The following MMP26 variants were observed in gnomAD, a reference collection of about 807,000 sequenced individuals.
MMP26 encodes the protein matrix metalloproteinase-26.
In MMP26, 33 loss-of-function variants were observed where a neutral mutation model predicts 31.0. The ratio of observed to expected loss-of-function variants is 1.06; its 90% CI spans 0.81 to 1.42. MMP26 has a LOEUF of 1.42. Ranked by LOEUF, MMP26 falls within the 40% of genes most tolerant of loss-of-function variation. The pLI is 0.00. For missense variants in MMP26, 347 were observed against 316.1 expected, an observed-to-expected ratio of 1.10 and a Z score of -0.74; for synonymous variants, 122 against 114.9, an observed-to-expected ratio of 1.06 and a Z score of -0.40.
intron 2 of MMP26, among the ~76,000 whole-genome samples, chr11:4,939,243 T>C (rs891879002): frequency 1.3e-5 from 2 of 152,156 alleles, no homozygotes; most frequent in African/African-American, 2.4e-5. Flanking sequence ...TGGAAATTAG[T>C]TGTAGCTCCA....
At chr11:4,764,510 G>A (rs1447555193) in intron 1 of MMP26, among the ~76,000 whole-genome samples, 1 of 152,174 alleles carries the variant, frequency 6.6e-6, no homozygotes, top group Admixed American at 6.5e-5. Flanking sequence ...GGGCTAAAGA[G>A]ATACTCTCTT....
At chr11:4,751,327 C>T (rs575131477) in intron 1 of MMP26, among the ~76,000 whole-genome samples, 1 of 152,124 alleles carries the variant, frequency 6.6e-6, no homozygotes, top group Non-Finnish European at 1.5e-5. Context: ...GGTGTGCACA[C>T]ATATAAAGGC....
intron 2 of MMP26, chr11:4,924,311 T>C: frequency 6.2e-7 from 1 of 1,611,454 alleles, no homozygotes; most frequent in South Asian, 1.1e-5. Context: ...AGTGGCTCTT[T>C]GGAGGCTGCT....
intron 2 of MMP26, among the ~76,000 whole-genome samples, chr11:4,951,610 A>G (rs1178829506): frequency 8.1e-6 from 1 of 123,986 alleles, no homozygotes; most frequent in Non-Finnish European, 1.8e-5. Flanking sequence ...GTCTGATACC[A>G]TTTCTCCAAA....
intron 2 of MMP26, among the ~76,000 whole-genome samples, chr11:4,839,860 A>G (rs963829187): frequency 5.9e-5 from 9 of 151,814 alleles, no homozygotes; most frequent in Middle Eastern, 3.4e-3. Flanking sequence ...ACAGGGGTGT[A>G]GAGCAGGTTC....
chr11:4,918,725 G>A (rs1263807118), intron 2 of MMP26, among the ~76,000 whole-genome samples: 1 of 152,130 alleles, frequency 6.6e-6, no homozygotes, highest in African/African-American at 2.4e-5. Flanking sequence ...CCCTCAAGTT[G>A]TTTTGCTTTA....
intron 2 of MMP26, chr11:4,973,218 G>A (rs1846689066): frequency 6.1e-6 from 1 of 163,486 alleles, no homozygotes. Flanking sequence ...ACTGCTTTCA[G>A]TATCAACATG....
intron 2 of MMP26, among the ~76,000 whole-genome samples, chr11:4,846,358 T>C (rs977366161): frequency 2.6e-5 from 4 of 152,052 alleles, no homozygotes; most frequent in African/African-American, 4.8e-5. Context: ...ATGAAAACAA[T>C]TGTACTCATG....
chr11:4,771,106 G>C (rs78170319), intron 2 of MMP26, among the ~76,000 whole-genome samples: 6,529 of 152,188 alleles, frequency 0.043, 488 homozygotes, highest in African/African-American at 0.15. Context: ...TAAAGAAGGG[G>C]TATCAGGTAG....
At chr11:4,934,632 G>A (rs372301034) in intron 2 of MMP26, among the ~76,000 whole-genome samples, 26 of 141,440 alleles carry the variant, frequency 1.8e-4, no homozygotes, top group African/African-American at 3.1e-4. Context: ...TTGGTGTTTT[G>A]GACATGAAGT....
In MMP26 at chr11:4,990,751, G is replaced by A; in HGVS notation, c.469+5G>A. On this transcript the variant is annotated splice_donor_5th_base_variant and intron_variant, in intron 5 of 7. Transcript: ENST00000380390. ...AGGTTTCTTTCTGGCAGTGGGGTAAGAAATTGACATGGGAAGAAGGATATG... is the reference window on the plus strand; with the variant it reads ...AGGTTTCTTTCTGGCAGTGGGGTAAAAAATTGACATGGGAAGAAGGATATG... The A allele has an allele frequency of 6.2e-7, 1 of 1,613,958 alleles. No individual in the cohort carries two copies. Among genetic ancestry groups the A allele is most frequent in the Non-Finnish European group, 8.5e-7 (1 of 1,179,890 alleles).
intron 2 of MMP26, among the ~76,000 whole-genome samples, chr11:4,949,920 T>C (rs993054573): frequency 1.6e-5 from 2 of 123,296 alleles, no homozygotes; most frequent in African/African-American, 2.7e-5. Context: ...AATATGCCAT[T>C]TGAACTAATG....
At chr11:4,804,420 T>C in intron 2 of MMP26, 1 of 1,428,074 alleles carries the variant, frequency 7.0e-7, no homozygotes, top group Non-Finnish European at 9.9e-7. Flanking sequence ...CGCAATCTAC[T>C]CTCTGCAGAT....
At chr11:4,973,574 A>G (rs985824424) in intron 2 of MMP26, 2 of 153,514 alleles carry the variant, frequency 1.3e-5, no homozygotes, top group African/African-American at 2.4e-5. Context: ...ATGGATGAAA[A>G]ACTCTTGAGC....
intron 1 of MMP26, among the ~76,000 whole-genome samples, chr11:4,721,017 G>A (rs1475697458): frequency 6.6e-6 from 1 of 152,202 alleles, no homozygotes; most frequent in Admixed American, 6.5e-5. Context: ...GGGACAACAA[G>A]CAAACATGAT....
intron 2 of MMP26, among the ~76,000 whole-genome samples, chr11:4,775,287 T>C (rs944895979): frequency 1.3e-5 from 2 of 152,218 alleles, no homozygotes; most frequent in African/African-American, 4.8e-5. Flanking sequence ...TTTGTTTGTG[T>C]CCTCTCTGGT....
chr11:4,969,956 T>A (rs748078895), intron 2 of MMP26, among the ~76,000 whole-genome samples: 13 of 152,214 alleles, frequency 8.5e-5, no homozygotes, highest in African/African-American at 1.2e-4. Flanking sequence ...CTAATCTGCA[T>A]GCCAATTTGA....
intron 2 of MMP26, among the ~76,000 whole-genome samples, chr11:4,778,663 G>A (rs1848820256): frequency 6.6e-6 from 1 of 152,018 alleles, no homozygotes; most frequent in Admixed American, 6.6e-5. Flanking sequence ...CTGCTAAAAT[G>A]TTGATTTGGG....
intron 1 of MMP26, among the ~76,000 whole-genome samples, chr11:4,743,803 A>G (rs1186118553): frequency 6.6e-6 from 1 of 152,018 alleles, no homozygotes; most frequent in East Asian, 1.9e-4. Context: ...TTTTTGGACT[A>G]CTCGGGTTTG....
Sources: gnomAD v4.1 joint callset for allele counts (sites outside exome capture counted in the v4.1 genomes callset) on GRCh38, gnomAD v4.1.1 for gene constraint, MANE v1.5 for transcripts, NCBI Gene and HGNC (gene_info 2026-07-23, HGNC 2026-07-21) for gene names.